The following GNPAT variants were observed in gnomAD, a reference collection of about 807,000 sequenced individuals.
GNPAT encodes the protein glyceronephosphate O-acyltransferase.
In GNPAT, 30 loss-of-function variants were observed where a neutral mutation model predicts 78.4. That is an observed-to-expected ratio of 0.38 (90% CI 0.29 to 0.52). GNPAT has a LOEUF of 0.52. Among genes scored for constraint, GNPAT ranks in the 20% least tolerant of loss-of-function variants. GNPAT has a pLI of 0.84. For missense variants in GNPAT, 714 were observed against 812.2 expected, an observed-to-expected ratio of 0.88 and a Z score of 1.47; for synonymous variants, 271 against 281.1, an observed-to-expected ratio of 0.96 and a Z score of 0.36.
At position 231,277,611 on chromosome 1, in the gene GNPAT, C is replaced by G. The variant is rs751578367; in HGVS notation, c.*69C>G. 4.4e-6 allele frequency: 4 copies of G among 909,880 alleles called. No homozygotes were observed. The highest frequency in any genetic ancestry group is 7.4e-6 in the Non-Finnish European group (4 of 537,106). 56.4% of individuals were successfully genotyped at this position (909,880 alleles called of 1,614,324 possible). A position where few individuals can be genotyped will look rare whatever the true frequency, so the allele number is the denominator to read the frequency against. ...TCATCGAAGGACTCATTACAACAAA[C>G]AGGGAAGTAAAGGAAGAGACACATC... On this transcript the variant is annotated 3_prime_UTR_variant, in exon 16 of 16. Transcript: ENST00000366647.
At chr1:231,276,930 C>T (rs926660731) in intron 15 of GNPAT, among the ~76,000 whole-genome samples, 7 of 152,140 alleles carry the variant, frequency 4.6e-5, no homozygotes, top group African/African-American at 1.7e-4. Flanking sequence ...TAATTCAGTA[C>T]CTCGTCAAAC....
In GNPAT at chr1:231,270,862, T is replaced by C. The variant is rs1685543292; in HGVS notation, c.1384T>C (p.Ser462Pro). 1 of 1,614,180 alleles carries C rather than the reference T, an allele frequency of 6.2e-7. No homozygotes were observed. The highest frequency in any genetic ancestry group is 1.3e-5 in the African/African-American group (1 of 75,058). Residue 462 changes from serine (S) to proline (P), a missense_variant, in exon 10 of 16, where the codon TCG becomes CCG. By Grantham distance (74) the Ser-to-Pro change is moderately conservative (BLOSUM62 -1). Coordinates refer to ENST00000366647, the MANE Select transcript of GNPAT (RefSeq NM_014236.4). The stretch of plus-strand genomic sequence containing the variant: ...GATTCTGAAAGTGGACTCCGGAGAC[T>C]CGGAAGTGGTCGATGGGCTTATGCT... ...QVILKVDSGD[S>P]EVVDGLMLQH...
intron 4 of GNPAT, among the ~76,000 whole-genome samples, chr1:231,264,541 A>G (rs1479577228): frequency 6.6e-6 from 1 of 152,242 alleles, no homozygotes; most frequent in Non-Finnish European, 1.5e-5. Context: ...AGTGAATGGT[A>G]AGGTTAAAAC....
rs1390192246 is a variant in GNPAT at position 231,267,812 on chromosome 1, C to T, written c.1188C>T (p.Asn396=). Residue 396 remains asparagine, a synonymous_variant, in exon 9 of 16, where the codon AAC becomes AAT. Coordinates refer to ENST00000366647, the MANE Select transcript of GNPAT (RefSeq NM_014236.4). ...TAATAGTTGCTGTTCTGCTTCAGAA[C>T]CGGCCATCCATGGACTTTGATGCTC... ...WTLIVAVLLQ[N]RPSMDFDALV... is the part of the protein sequence containing the mutation. The T allele has an allele frequency of 1.2e-6, 2 of 1,613,530 alleles. No homozygotes were observed. The highest frequency in any genetic ancestry group is 1.3e-5 in the African/African-American group (1 of 75,030).
At chr1:231,272,736 C>T (rs1386613001) in intron 11 of GNPAT, among the ~76,000 whole-genome samples, 12 of 152,044 alleles carry the variant, frequency 7.9e-5, no homozygotes, top group Admixed American at 1.3e-4. Context: ...TTTGGGAGGC[C>T]GAGGCAGGCG....
At chr1:231,271,248 C>G (rs949782283) in intron 10 of GNPAT, among the ~76,000 whole-genome samples, 5 of 152,170 alleles carry the variant, frequency 3.3e-5, no homozygotes, top group African/African-American at 1.2e-4. Flanking sequence ...TAGAAAGTTG[C>G]ATAATTACTG....
At position 231,260,523 on chromosome 1, in the gene GNPAT, T is replaced by G. The variant is rs886046089; in HGVS notation, c.278T>G (p.Leu93Arg). 16 of 1,609,526 alleles carry G rather than the reference T, an allele frequency of 9.9e-6. No homozygotes were observed. Among genetic ancestry groups the G allele is most frequent in the Non-Finnish European group, 1.4e-5 (16 of 1,175,810 alleles). ...YVIKQLSKESLQSVDVLREEV... is the reference protein window; with the variant it reads ...YVIKQLSKESRQSVDVLREEV... ...TCCTTTTAGCTTTCCAAGGAATCCC[T>G]TCAATCTGTGGATGTCCTCCGAGAG... The change falls in exon 3 of 16, where the codon CTT becomes CGT. Residue 93 changes from leucine to arginine, a missense_variant. Leu to Arg is a moderately radical substitution (Grantham distance 102, BLOSUM62 -2). Transcript: ENST00000366647.
intron 1 of GNPAT, among the ~76,000 whole-genome samples, chr1:231,250,422 C>T (rs1405686557): frequency 6.6e-6 from 1 of 152,074 alleles, no homozygotes; most frequent in Admixed American, 6.6e-5. Context: ...AGAGAATAAG[C>T]TCTTGTCTCG....
rs576571399 is a variant in GNPAT, at chr1:231,277,929, A to G, written c.*387A>G. The G allele has an allele frequency of 1.8e-5, 3 of 166,872 alleles. No homozygotes were observed. In the East Asian group the frequency reaches 5.0e-4, roughly 28 times the overall value. 10.3% of individuals were successfully genotyped at this position (166,872 alleles called of 1,614,324 possible). ...AAAAGAAAATGAAAAGGGCATATCT[A>G]CGTTACTTGTAGCTTGCTTTAATTA... On this transcript the variant is annotated 3_prime_UTR_variant, in exon 16 of 16. Coordinates refer to ENST00000366647, the MANE Select transcript of GNPAT (RefSeq NM_014236.4).
At chr1:231,257,390 G>A (rs771881196) in intron 2 of GNPAT, among the ~76,000 whole-genome samples, 3 of 152,084 alleles carry the variant, frequency 2.0e-5, no homozygotes, top group Non-Finnish European at 4.4e-5. Context: ...CCCAATTTTA[G>A]CAGATTGCTG....
chr1:231,269,105 A>T (rs1338204793), intron 9 of GNPAT, among the ~76,000 whole-genome samples: 3 of 119,744 alleles, frequency 2.5e-5, no homozygotes, highest in African/African-American at 9.5e-5. Context: ...TGCAGAGGGC[A>T]GGGTGGGTGG....
Position 231,275,336 on chromosome 1 carries a change from G to T in GNPAT, c.1843+16G>T. ...CTCGATCAAGGTCAGTCACTGCTCT[G>T]TGGGTGCTGATTTCTTTTAGTTGAG... On this transcript the variant is annotated intron_variant, in intron 13 of 15. Transcript: ENST00000366647. 1 of 1,589,454 alleles carries T rather than the reference G, an allele frequency of 6.3e-7. No homozygotes were observed. Among genetic ancestry groups the T allele is most frequent in the South Asian group, 1.1e-5 (1 of 90,578 alleles).
At chr1:231,246,969 A>G (rs1684766375) in intron 1 of GNPAT, among the ~76,000 whole-genome samples, 1 of 152,206 alleles carries the variant, frequency 6.6e-6, no homozygotes, top group African/African-American at 2.4e-5. Flanking sequence ...GGAGATCCAG[A>G]CCATCCTGGC....
intron 3 of GNPAT, 25 bp from the exon 4 acceptor site, chr1:231,262,698 T>G: frequency 3.2e-6 from 5 of 1,583,600 alleles, no homozygotes; most frequent in Non-Finnish European, 3.5e-6. Flanking sequence ...CTGAAATTAT[T>G]CAAAATGTAA....
At chr1:231,271,323 G>A (rs1685558909) in intron 10 of GNPAT, among the ~76,000 whole-genome samples, 1 of 152,198 alleles carries the variant, frequency 6.6e-6, no homozygotes, top group Non-Finnish European at 1.5e-5. Flanking sequence ...TTTTGGCTGT[G>A]CCAGCTCCCT....
chr1:231,247,719 TC>T (rs1684787288), intron 1 of GNPAT, among the ~76,000 whole-genome samples: 1 of 152,204 alleles, frequency 6.6e-6, no homozygotes, highest in Non-Finnish European at 1.5e-5. Context: ...ACATAGGCAT[TC>T]AGATATTTGA....
intron 1 of GNPAT, among the ~76,000 whole-genome samples, chr1:231,241,969 T>G (rs1684624842): frequency 6.6e-6 from 1 of 152,262 alleles, no homozygotes; most frequent in South Asian, 2.1e-4. Context: ...CTTCTAGACA[T>G]TTTTATTGCC....
chr1:231,259,553 A>C (rs1685162777), intron 2 of GNPAT, among the ~76,000 whole-genome samples: 2 of 151,576 alleles, frequency 1.3e-5, no homozygotes, highest in Non-Finnish European at 1.5e-5. Context: ...AGGCTAAGGC[A>C]GGAGAATCGC....
chr1:231,277,603 A>G lies in GNPAT; in HGVS notation c.*61A>G, dbSNP rs375690282. 31 of 950,466 alleles carry G rather than the reference A, an allele frequency of 3.3e-5. No homozygotes were observed. Among genetic ancestry groups the G allele is most frequent in the Non-Finnish European group, 4.5e-5 (26 of 573,868 alleles). 58.9% of individuals were successfully genotyped at this position (950,466 alleles called of 1,614,324 possible). ...AATTACTCTCATCGAAGGACTCATTACAACAAACAGGGAAGTAAAGGAAGA... is the reference window on the plus strand; with the variant it reads ...AATTACTCTCATCGAAGGACTCATTGCAACAAACAGGGAAGTAAAGGAAGA... On this transcript the variant is annotated 3_prime_UTR_variant, in exon 16 of 16. Coordinates refer to ENST00000366647, the MANE Select transcript of GNPAT (RefSeq NM_014236.4).
Sources: gnomAD v4.1 joint callset for allele counts (sites outside exome capture counted in the v4.1 genomes callset) on GRCh38, gnomAD v4.1.1 for gene constraint, MANE v1.5 for transcripts, NCBI Gene and HGNC (gene_info 2026-07-23, HGNC 2026-07-21) for gene names.